CSMD1: variants seen among roughly 807,000 people sequenced by gnomAD.
CSMD1 encodes CUB and sushi domain-containing protein 1.
In CSMD1, 213 loss-of-function variants were observed where a neutral mutation model predicts 417.5. That is an observed-to-expected ratio of 0.51 (90% CI 0.46 to 0.57). The LOEUF (loss-of-function observed/expected upper bound fraction) is 0.57. CSMD1 is among the 20% of genes least tolerant of loss of function. The pLI is 0.00. For synonymous variants in CSMD1, 2,862 were observed against 1,736.8 expected (o/e 1.65, Z -16.11); for missense variants, 6,923 against 4,529.7 (o/e 1.53, Z -15.17).
At chr8:3,355,113 G>A (rs1410724050) in intron 21 of CSMD1, among the ~76,000 whole-genome samples, 7 of 151,104 alleles carry the variant, frequency 4.6e-5, no homozygotes, top group Non-Finnish European at 4.4e-5. Flanking sequence ...TTTTTATTTC[G>A]CCCAATGACT....
At chr8:4,908,472 T>G (rs1056536772) in intron 1 of CSMD1, among the ~76,000 whole-genome samples, 1 of 152,196 alleles carries the variant, frequency 6.6e-6, no homozygotes, top group Non-Finnish European at 1.5e-5. Context: ...CTTTTAGTAT[T>G]CCAATGAATT....
chr8:4,292,661 T>C (rs903382834), intron 3 of CSMD1, among the ~76,000 whole-genome samples: 1 of 152,202 alleles, frequency 6.6e-6, no homozygotes, highest in Non-Finnish European at 1.5e-5. Context: ...AACATGTTTC[T>C]ATACATGAAA....
At chr8:4,159,043 G>C (rs562218583) in intron 3 of CSMD1, among the ~76,000 whole-genome samples, 1 of 152,054 alleles carries the variant, frequency 6.6e-6, no homozygotes. Flanking sequence ...AGCCTCCATA[G>C]TAACTGGGAT....
Position 3,553,421 on chromosome 8 carries a change from C to T in CSMD1, c.1344+21524G>A, listed in dbSNP as rs185111955. Among the ~76,000 whole-genome samples, 474 of 152,300 alleles carry T rather than the reference C, an allele frequency of 3.1e-3. 1 individual carries two copies. The highest frequency in any genetic ancestry group is 5.0e-3 in the Admixed American group (77 of 15,290). ...GACAGACCCAGCTGATTCATGATCT[C>T]ATCCTATGTCTATTCAGTTCCTCAG... On this transcript the variant is annotated intron_variant, in intron 10 of 69. Coordinates refer to ENST00000635120, the MANE Select transcript of CSMD1 (RefSeq NM_033225.6).
chr8:3,372,623 G>C (rs11781311), intron 18 of CSMD1, among the ~76,000 whole-genome samples: 1 of 151,968 alleles, frequency 6.6e-6, no homozygotes, highest in Admixed American at 6.6e-5. Flanking sequence ...GTGATTGTGA[G>C]TTCATAACCT....
intron 1 of CSMD1, among the ~76,000 whole-genome samples, chr8:4,706,340 A>G (rs1303927309): frequency 6.6e-6 from 1 of 152,096 alleles, no homozygotes; most frequent in Admixed American, 6.6e-5. Context: ...TTTCCACATA[A>G]CCCTTCAAAT....
intron 1 of CSMD1, among the ~76,000 whole-genome samples, chr8:4,834,977 A>AAAAAAAAAAAAAAAAAAAAAAG (rs1385745588): frequency 3.1e-5 from 1 of 32,238 alleles, no homozygotes; most frequent in Non-Finnish European, 1.1e-4. Flanking sequence ...AAAAAAAAAA[A>AAAAAAAAAAAAAAAAAAAAAAG]AAAGAAAGAA....
chr8:3,739,635 T>C lies in CSMD1; in HGVS notation c.931+14295A>G, dbSNP rs181464378. Among the ~76,000 whole-genome samples the C allele has an allele frequency of 2.1e-3, 325 of 152,324 alleles. 1 individual carries two copies. The highest frequency in any genetic ancestry group is 7.5e-3 in the African/African-American group (310 of 41,586). On this transcript the variant is annotated intron_variant, in intron 6 of 69. Transcript: ENST00000635120. ...TCAAAAGGCCTTTCTGTGCTGAACA[T>C]TTACAGTTCATAGGGAAATCTGTTA...
chr8:3,971,137 T>A (rs1405886301), intron 5 of CSMD1, among the ~76,000 whole-genome samples: 1 of 150,848 alleles, frequency 6.6e-6, no homozygotes, highest in East Asian at 2.0e-4. Flanking sequence ...TCACACGGTG[T>A]TAAATATTCT....
At chr8:4,975,537 G>T (rs1810501293) in intron 1 of CSMD1, among the ~76,000 whole-genome samples, 1 of 152,186 alleles carries the variant, frequency 6.6e-6, no homozygotes, top group South Asian at 2.1e-4. Flanking sequence ...TCAGATGAAG[G>T]AAGTGAAGCC....
intron 2 of CSMD1, among the ~76,000 whole-genome samples, chr8:4,448,662 C>G (rs913737671): frequency 3.9e-5 from 6 of 152,136 alleles, no homozygotes; most frequent in Admixed American, 2.6e-4. Context: ...ATGTCAACAT[C>G]TGACTTTCTT....
At chr8:4,254,533 T>C (rs1390344966) in intron 3 of CSMD1, among the ~76,000 whole-genome samples, 1 of 152,174 alleles carries the variant, frequency 6.6e-6, no homozygotes, top group Non-Finnish European at 1.5e-5. Context: ...AAACGTATGC[T>C]GTTTATGAAG....
chr8:3,150,636 G>A (rs1819138807), intron 40 of CSMD1, among the ~76,000 whole-genome samples: 2 of 152,136 alleles, frequency 1.3e-5, no homozygotes, highest in Non-Finnish European at 2.9e-5. Context: ...GAAATACCCA[G>A]CTACTCTGCC....
chr8:4,805,063 G>A (rs1399886679), intron 1 of CSMD1, among the ~76,000 whole-genome samples: 1 of 152,144 alleles, frequency 6.6e-6, no homozygotes, highest in Non-Finnish European at 1.5e-5. Flanking sequence ...GCTCCAATTT[G>A]GAGTTTCAAG....
chr8:4,055,383 T>C (rs539560158), intron 3 of CSMD1, among the ~76,000 whole-genome samples: 1 of 152,176 alleles, frequency 6.6e-6, no homozygotes, highest in African/African-American at 2.4e-5. Flanking sequence ...ACAAACTTAC[T>C]AAGTGATTAA....
At chr8:3,596,609 A>C (rs148435299) in intron 8 of CSMD1, among the ~76,000 whole-genome samples, 1 of 152,174 alleles carries the variant, frequency 6.6e-6, no homozygotes. Flanking sequence ...TCCCGGGCTT[A>C]TATCTACACT....
chr8:4,401,347 C>G (rs544951225), intron 3 of CSMD1, among the ~76,000 whole-genome samples: 1 of 152,140 alleles, frequency 6.6e-6, no homozygotes, highest in Non-Finnish European at 1.5e-5. Flanking sequence ...CAAACCCACA[C>G]GTATTGTTAT....
intron 2 of CSMD1, among the ~76,000 whole-genome samples, chr8:4,630,487 A>G (rs1344191214): frequency 6.6e-6 from 1 of 152,162 alleles, no homozygotes; most frequent in Non-Finnish European, 1.5e-5. Flanking sequence ...AAAACAAACA[A>G]AAAACAAAAA....
chr8:4,261,469 G>C (rs1268327812), intron 3 of CSMD1, among the ~76,000 whole-genome samples: 1 of 152,182 alleles, frequency 6.6e-6, no homozygotes, highest in Non-Finnish European at 1.5e-5. Context: ...AGATGCATCA[G>C]CCCTGGGATC....
Sources: allele counts gnomAD v4.1 joint callset (sites outside exome capture counted in the v4.1 genomes callset), GRCh38; gene constraint gnomAD v4.1.1; transcripts MANE v1.5; gene names NCBI Gene and HGNC (gene_info 2026-07-23, HGNC 2026-07-21).